DAB2IP: variants seen among roughly 807,000 people sequenced by gnomAD.
DAB2IP encodes the protein DAB2 interacting protein.
A neutral mutation model predicts 107.2 loss-of-function variants in DAB2IP; 28 were observed. That is an observed-to-expected ratio of 0.26 (90% CI 0.19 to 0.36). The LOEUF (loss-of-function observed/expected upper bound fraction) is 0.36, where lower values mean the gene tolerates loss of function less well. DAB2IP is among the 10% of genes least tolerant of loss of function. The pLI is 1.00. For missense variants in DAB2IP, 1,400 were observed against 1,644.7 expected (o/e 0.85, Z 2.57); for synonymous variants, 755 against 706.4 (o/e 1.07, Z -1.09).
intron 14 of DAB2IP, among the ~76,000 whole-genome samples, chr9:121,780,505 CAA>C (rs1835534958): frequency 6.6e-6 from 1 of 152,142 alleles, no homozygotes; most frequent in Non-Finnish European, 1.5e-5. Flanking sequence ...CTGGAGGAAT[CAA>C]GAGGGCAGGG....
chr9:121,697,483 G>C (rs112357877), intron 2 of DAB2IP, among the ~76,000 whole-genome samples: 1 of 152,196 alleles, frequency 6.6e-6, no homozygotes, highest in Admixed American at 6.5e-5. Flanking sequence ...TCACGCAGAG[G>C]TGCAGGCCTC....
At chr9:121,771,666 A>C (rs1834745784) in intron 11 of DAB2IP, among the ~76,000 whole-genome samples, 1 of 152,092 alleles carries the variant, frequency 6.6e-6, no homozygotes, top group African/African-American at 2.4e-5. Flanking sequence ...AGTTCTGAAA[A>C]GACTGACCTG....
At chr9:121,661,364 C>T (rs911248887) in intron 1 of DAB2IP, among the ~76,000 whole-genome samples, 1 of 152,084 alleles carries the variant, frequency 6.6e-6, no homozygotes, top group Admixed American at 6.5e-5. Context: ...CATGGTTCCA[C>T]CTGGTATCTA....
intron 3 of DAB2IP, among the ~76,000 whole-genome samples, chr9:121,710,559 G>A (rs546137765): frequency 7.9e-5 from 12 of 152,204 alleles, no homozygotes; most frequent in African/African-American, 1.2e-4. Flanking sequence ...CTGTGGCTGC[G>A]TTTGGATCTG....
At chr9:121,755,479 G>T (rs187698975) in intron 3 of DAB2IP, among the ~76,000 whole-genome samples, 4 of 151,746 alleles carry the variant, frequency 2.6e-5, no homozygotes, top group East Asian at 3.9e-4. Flanking sequence ...GGCCAGCTTC[G>T]TGCTGGGTGT....
Position 121,699,050 on chromosome 9 carries a change from G to GCGGCT in DAB2IP, c.229-265_229-261dup, listed in dbSNP as rs1416675753. ...TCGGGCAGCCTCGGCCGCGGTCGGC[G>GCGGCT]CGGCTCGGCTCGGCGTCGCCAAGGC... is the stretch of plus-strand genomic sequence containing the variant. On this transcript the variant is annotated intron_variant, in intron 2 of 15. Coordinates refer to ENST00000408936, the Ensembl canonical transcript of DAB2IP. This position sits in a 1 kb window ranked among gnomAD's most constrained non-coding sequence, Gnocchi z 6.2. Among the ~76,000 whole-genome samples, 3 of 150,314 alleles carry GCGGCT rather than the reference G, an allele frequency of 2.0e-5. No homozygotes were observed. The highest frequency in any genetic ancestry group is 4.4e-5 in the Non-Finnish European group (3 of 67,416).
chr9:121,737,324 C>T (rs767897968), intron 3 of DAB2IP: 185 of 985,468 alleles, frequency 1.9e-4, no homozygotes, highest in Non-Finnish European at 2.1e-4. Flanking sequence ...GGTAATTTTC[C>T]ACTTGTTTCC....
intron 1 of DAB2IP, among the ~76,000 whole-genome samples, chr9:121,654,494 G>C (rs1420222238): frequency 6.6e-6 from 1 of 151,946 alleles, no homozygotes; most frequent in Non-Finnish European, 1.5e-5. Context: ...TGAGGAGTTA[G>C]TTACAGCTGC....
chr9:121,578,738 T>C (rs1368699505), intron 1 of DAB2IP, among the ~76,000 whole-genome samples: 3 of 122,846 alleles, frequency 2.4e-5, no homozygotes, highest in Admixed American at 8.3e-5. Flanking sequence ...TTTTTTTTTT[T>C]TTTTTTTTTT....
chr9:121,602,294 C>T (rs990853326), intron 1 of DAB2IP, among the ~76,000 whole-genome samples: 2 of 152,166 alleles, frequency 1.3e-5, no homozygotes, highest in African/African-American at 4.8e-5. Context: ...GAAGTTTCTC[C>T]TGCCACAAGT....
At chr9:121,679,896 T>C (rs1828493954) in intron 2 of DAB2IP, among the ~76,000 whole-genome samples, 1 of 152,016 alleles carries the variant, frequency 6.6e-6, no homozygotes, top group Non-Finnish European at 1.5e-5. Flanking sequence ...AGAACAGCAG[T>C]TGCAAAGGTA....
At chr9:121,579,309 T>G (rs1326343970) in intron 1 of DAB2IP, among the ~76,000 whole-genome samples, 5 of 152,054 alleles carry the variant, frequency 3.3e-5, no homozygotes, top group African/African-American at 1.2e-4. Flanking sequence ...TTGCCATTGC[T>G]TGAATCTCTC....
Position 121,684,208 on chromosome 9 carries a change from C to T in DAB2IP, c.228+5427C>T, listed in dbSNP as rs1201313113. 6.6e-6 allele frequency among the ~76,000 whole-genome samples: 1 copy of T among 152,180 alleles called. No homozygotes were observed. The highest frequency in any genetic ancestry group is 6.5e-5 in the Admixed American group (1 of 15,284). ...TGGGTGACCCTCCCGCCCATGTCAC[C>T]ATGGAAAGGCTGTTGGAAATTAACT... On this transcript the variant is annotated intron_variant, in intron 2 of 15. Coordinates refer to ENST00000408936, the Ensembl canonical transcript of DAB2IP. The surrounding 1 kb of genome is among the most constrained non-coding windows in gnomAD (Gnocchi z 4.0).
At position 121,599,519 on chromosome 9, in the gene DAB2IP, C is replaced by T. The variant is rs968259471; in HGVS notation, c.40+32291C>T. Among the ~76,000 whole-genome samples, 2 of 151,946 alleles carry T rather than the reference C, an allele frequency of 1.3e-5. No individual in the cohort carries two copies. Among genetic ancestry groups the T allele is most frequent in the East Asian group, 3.9e-4 (2 of 5,156 alleles). ...GGCAGGGCTGGGCAGGCCGGGTGGC[C>T]GCGGGAGCCCGGGAGCCGTAGAGCG... is the stretch of plus-strand genomic sequence containing the variant. On this transcript the variant is annotated intron_variant, in intron 1 of 16. Transcript: ENST00000259371. The surrounding 1 kb of genome is among the most constrained non-coding windows in gnomAD (Gnocchi z 6.9).
intron 1 of DAB2IP, among the ~76,000 whole-genome samples, chr9:121,636,748 A>C (rs1832104750): frequency 6.6e-6 from 1 of 152,212 alleles, no homozygotes; most frequent in Non-Finnish European, 1.5e-5. Context: ...GAGTCTTTGC[A>C]TGTCTTTACA....
chr9:121,640,755 G>A (rs1041322364), intron 1 of DAB2IP, among the ~76,000 whole-genome samples: 2 of 152,172 alleles, frequency 1.3e-5, no homozygotes, highest in Non-Finnish European at 2.9e-5. Flanking sequence ...GCAGGCCTAC[G>A]GCGTGGGGTG....
intron 3 of DAB2IP, among the ~76,000 whole-genome samples, chr9:121,719,238 T>C (rs1485714192): frequency 6.6e-6 from 1 of 152,192 alleles, no homozygotes; most frequent in East Asian, 1.9e-4. Flanking sequence ...GAGGAGGGGA[T>C]GTACCCAAGG....
chr9:121,659,910 C>T (rs1833131565), intron 1 of DAB2IP, among the ~76,000 whole-genome samples: 2 of 152,172 alleles, frequency 1.3e-5, no homozygotes, highest in South Asian at 4.1e-4. Context: ...CTCACTGGTA[C>T]TTGTTCAGAG....
intron 1 of DAB2IP, among the ~76,000 whole-genome samples, chr9:121,636,185 G>A (rs1385978643): frequency 6.6e-6 from 1 of 152,172 alleles, no homozygotes; most frequent in Admixed American, 6.5e-5. Context: ...TAGGATTACA[G>A]GCGTGAGCCA....
Sources: gnomAD v4.1 joint callset for allele counts (sites outside exome capture counted in the v4.1 genomes callset) on GRCh38, gnomAD v4.1.1 for gene constraint, Gnocchi (gnomAD v3.1) non-coding constraint, MANE v1.5 for transcripts, NCBI Gene and HGNC (gene_info 2026-07-23, HGNC 2026-07-21) for gene names.